ZBTB25: variants seen among roughly 807,000 people sequenced by gnomAD.
The protein encoded by ZBTB25 is zinc finger and BTB domain containing 25.
Under a neutral mutation model 34.2 loss-of-function variants are expected in ZBTB25, and 20 were observed. That is an observed-to-expected ratio of 0.58 (90% confidence interval 0.41 to 0.85). The LOEUF (loss-of-function observed/expected upper bound fraction) is 0.85. ZBTB25 is among the 40% of genes least tolerant of loss of function. ZBTB25 has a pLI of 0.00. For missense variants in ZBTB25, 437 were observed against 521.8 expected (o/e 0.84, Z 1.58); for synonymous variants, 175 against 186.4 (o/e 0.94, Z 0.50).
intron 2 of ZBTB25, chr14:64,453,988 T>A: frequency 1.4e-6 from 1 of 705,040 alleles, no homozygotes; most frequent in South Asian, 1.5e-5. Context: ...CCTTCTCTCC[T>A]CTGAAATACT....
chr14:64,490,297 A>G lies in ZBTB25; in HGVS notation c.173+64T>C. On this transcript the variant is annotated intron_variant, in intron 2 of 2. Coordinates refer to ENST00000608382, the MANE Select transcript of ZBTB25 (RefSeq NM_006977.5). ...CGTAACAAAGAATTTCCAAAATGAT[A>G]CTATAATAAAGCTTATATAAATCAC... The G allele has an allele frequency of 6.5e-6, 8 of 1,221,744 alleles. No individual in the cohort carries two copies. The South Asian group carries it at 2.0e-4, about 31-fold the overall frequency. The allele number at this position is 1,221,744 out of a possible 1,614,324, so 75.7% of individuals were successfully genotyped here.
intron 1 of ZBTB25, among the ~76,000 whole-genome samples, chr14:64,496,259 C>T (rs1022094984): frequency 7.3e-5 from 11 of 151,606 alleles, no homozygotes; most frequent in African/African-American, 2.2e-4. Flanking sequence ...CCAAGGCAGG[C>T]GGATCACAAG....
chr14:64,476,168 G>A (rs2078717509), downstream of ZBTB25, among the ~76,000 whole-genome samples: 1 of 152,202 alleles, frequency 6.6e-6, no homozygotes, highest in African/African-American at 2.4e-5. Context: ...TACCACATCT[G>A]TGATAAAATC....
downstream of ZBTB25, among the ~76,000 whole-genome samples, chr14:64,475,507 AGTT>A (rs999370282): frequency 1.3e-5 from 2 of 151,948 alleles, no homozygotes; most frequent in African/African-American, 2.4e-5. Context: ...ACTTCACAAA[AGTT>A]GTCCTCACAG....
chr14:64,457,986 C>T, intron 2 of ZBTB25: 1 of 594,424 alleles, frequency 1.7e-6, no homozygotes, highest in African/African-American at 1.9e-5. Context: ...AACCTCCTAG[C>T]CTCAAGCAAT....
intron 2 of ZBTB25, chr14:64,469,133 G>A: frequency 6.2e-7 from 1 of 1,614,130 alleles, no homozygotes. Context: ...ACCCCAGCAA[G>A]CAAGCCCACT....
At chr14:64,476,598 G>C (rs1418150852), downstream of ZBTB25, among the ~76,000 whole-genome samples, 1 of 152,214 alleles carries the variant, frequency 6.6e-6, no homozygotes, top group African/African-American at 2.4e-5. Flanking sequence ...TGGGATTACA[G>C]GCGTAAGCCA....
chr14:64,458,240 C>T (rs2078506814), intron 2 of ZBTB25: 1 of 1,612,948 alleles, frequency 6.2e-7, no homozygotes, highest in African/African-American at 1.3e-5. Context: ...GACTCCCCAC[C>T]CGGCCCTGTT....
Position 64,486,684 on chromosome 14 carries a change from G to A in ZBTB25, c.*239C>T, listed in dbSNP as rs1318452906. ...TTTCCATATTTCTACATTGATTTCT[G>A]ATTTCTAAATTGTTATTTCGTTTGT... is the stretch of plus-strand genomic sequence containing the variant. On this transcript the variant is annotated 3_prime_UTR_variant, in exon 3 of 3. Transcript: ENST00000608382. 1 of 1,154,822 alleles carries A rather than the reference G, an allele frequency of 8.7e-7. No individual in the cohort carries two copies. Among genetic ancestry groups the A allele is most frequent in the East Asian group, 3.7e-5 (1 of 26,686 alleles). 71.5% of individuals were successfully genotyped at this position (1,154,822 alleles called of 1,614,324 possible).
chr14:64,479,824 C>T lies in ZBTB25; in HGVS notation c.*7099G>A, dbSNP rs957308878. ...ATCACTGACTCCCCAGCCTCTCAGCCTCCCAACTGCAGATCTTGGGACTTC... is the reference window on the plus strand; with the variant it reads ...ATCACTGACTCCCCAGCCTCTCAGCTTCCCAACTGCAGATCTTGGGACTTC... On this transcript the variant is annotated 3_prime_UTR_variant, in exon 3 of 3. Coordinates refer to ENST00000608382, the MANE Select transcript of ZBTB25 (RefSeq NM_006977.5). The T allele has an allele frequency of 6.5e-6, 1 of 153,092 alleles. No individual in the cohort carries two copies. Among genetic ancestry groups the T allele is most frequent in the African/African-American group, 2.4e-5 (1 of 41,484 alleles). The allele number at this position is 153,092 out of a possible 1,614,324, so 9.5% of individuals were successfully genotyped here. A position where few individuals can be genotyped will look rare whatever the true frequency, so the allele number is the denominator to read the frequency against.
chr14:64,459,731 A>AT (rs1389216666), intron 2 of ZBTB25: 13 of 1,518,088 alleles, frequency 8.6e-6, no homozygotes, highest in Admixed American at 8.1e-5. Flanking sequence ...GCTTAGAGAA[A>AT]ACATTTATTT....
At chr14:64,455,646 C>T (rs914529650) in intron 2 of ZBTB25, among the ~76,000 whole-genome samples, 2 of 152,190 alleles carry the variant, frequency 1.3e-5, no homozygotes, top group African/African-American at 4.8e-5. Context: ...TAAATCAACA[C>T]ACATGGAAAA....
upstream of ZBTB25, chr14:64,505,095 G>A: frequency 2.8e-6 from 1 of 355,564 alleles, no homozygotes; most frequent in East Asian, 4.2e-5. Context: ...AGGACCCGGT[G>A]ACGGGCGGCT....
At chr14:64,469,390 C>G (rs1383789068) in intron 2 of ZBTB25, 6 of 1,613,746 alleles carry the variant, frequency 3.7e-6, no homozygotes, top group Non-Finnish European at 8.5e-7. Flanking sequence ...CAGAAGAAAG[C>G]AAAAGAATGG....
At chr14:64,458,860 C>T (rs1344845797) in intron 2 of ZBTB25, among the ~76,000 whole-genome samples, 4 of 152,122 alleles carry the variant, frequency 2.6e-5, no homozygotes, top group African/African-American at 7.2e-5. Flanking sequence ...TTCAACAGGA[C>T]GTGTCTCTCC....
At chr14:64,494,507 C>A (rs1185186963) in intron 1 of ZBTB25, among the ~76,000 whole-genome samples, 3 of 152,280 alleles carry the variant, frequency 2.0e-5, no homozygotes, top group East Asian at 3.9e-4. Flanking sequence ...GTAGCACATG[C>A]CTGTAATCCC....
At position 64,454,776 on chromosome 14, in the gene ZBTB25, C is replaced by T. The variant is rs914153061; in HGVS notation, c.174-5138G>A. ...CTAAAACACACTTGTCTTTGTCTCA[C>T]AACCCAGAGCAAAAAGGTGTCCCTA... is the stretch of plus-strand genomic sequence containing the variant. On this transcript the variant is annotated intron_variant, in intron 2 of 2. Coordinates refer to the ZBTB25 transcript ENST00000555220. 3.4e-5 allele frequency: 55 copies of T among 1,613,906 alleles called. No homozygotes were observed. The highest frequency in any genetic ancestry group is 6.7e-5 in the African/African-American group (5 of 74,942).
chr14:64,504,153 G>C (rs1289397992), upstream of ZBTB25: 1 of 152,948 alleles, frequency 6.5e-6, no homozygotes, highest in African/African-American at 2.4e-5. Flanking sequence ...CGCGGGGCCA[G>C]GGAGGCCGAG....
chr14:64,475,388 G>A (rs962860989), downstream of ZBTB25, among the ~76,000 whole-genome samples: 3 of 151,200 alleles, frequency 2.0e-5, no homozygotes, highest in African/African-American at 4.9e-5. Flanking sequence ...GCAGTGAGCC[G>A]ACATCATGCC....
Sources: allele counts gnomAD v4.1 joint callset (sites outside exome capture counted in the v4.1 genomes callset), GRCh38; gene constraint gnomAD v4.1.1; transcripts MANE v1.5; gene names NCBI Gene and HGNC (gene_info 2026-07-23, HGNC 2026-07-21).